DPYD: variants seen among roughly 807,000 people sequenced by gnomAD.
DPYD encodes dihydropyrimidine dehydrogenase [NADP(+)].
A neutral mutation model predicts 116.2 loss-of-function variants in DPYD; 109 were observed. The ratio of observed to expected loss-of-function variants is 0.94; its 90% CI spans 0.80 to 1.10. The LOEUF is 1.10. DPYD is among the 50% of genes least tolerant of loss of function. The pLI, the probability that DPYD is intolerant of heterozygous loss-of-function variation, is 0.00. For missense variants in DPYD, 1,302 were observed against 1,254.5 expected, an observed-to-expected ratio of 1.04 and a Z score of -0.57; for synonymous variants, 440 against 432.0, an observed-to-expected ratio of 1.02 and a Z score of -0.23.
At chr1:97,529,680 TTTC>T (rs151180777) in intron 12 of DPYD, among the ~76,000 whole-genome samples, 12,788 of 151,286 alleles carry the variant, frequency 0.085, 644 homozygotes, top group South Asian at 0.1. Context: ...CTCTTTCTCT[TTTC>T]TTTTCTTTCT....
At chr1:97,365,703 C>T (rs774216291) in intron 16 of DPYD, among the ~76,000 whole-genome samples, 29 of 152,150 alleles carry the variant, frequency 1.9e-4, no homozygotes, top group Non-Finnish European at 3.4e-4. Flanking sequence ...TCTCAGTTCA[C>T]CGCAACCTCC....
chr1:97,763,962 T>C (rs76042708), intron 3 of DPYD, among the ~76,000 whole-genome samples: 3,012 of 152,160 alleles, frequency 0.02, 97 homozygotes, highest in African/African-American at 0.068. Context: ...GCACTAACAG[T>C]TACTACATAT....
chr1:97,904,161 TA>T (rs1257396196), intron 1 of DPYD, among the ~76,000 whole-genome samples: 2 of 151,956 alleles, frequency 1.3e-5, no homozygotes, highest in East Asian at 3.9e-4. Context: ...CTGGGAGGAA[TA>T]GAACCACTAT....
At chr1:97,301,116 A>C (rs1469400233) in intron 18 of DPYD, among the ~76,000 whole-genome samples, 5 of 152,094 alleles carry the variant, frequency 3.3e-5, no homozygotes, top group African/African-American at 4.8e-5. Context: ...ACATTCATGG[A>C]ATATTCCATT....
chr1:97,879,489 T>C (rs1212254258), intron 2 of DPYD, among the ~76,000 whole-genome samples: 1 of 151,900 alleles, frequency 6.6e-6, no homozygotes, highest in Non-Finnish European at 1.5e-5. Flanking sequence ...ATTAGGATAG[T>C]TCAACATTTT....
At chr1:97,849,016 T>C (rs1033261887) in intron 2 of DPYD, among the ~76,000 whole-genome samples, 1 of 152,114 alleles carries the variant, frequency 6.6e-6, no homozygotes, top group South Asian at 2.1e-4. Flanking sequence ...AATTGAGGCA[T>C]TGGTTATGAT....
chr1:97,669,090 T>C (rs1380172416), intron 8 of DPYD, among the ~76,000 whole-genome samples: 2 of 150,876 alleles, frequency 1.3e-5, no homozygotes, highest in African/African-American at 2.4e-5. Flanking sequence ...AGTTTGTGTA[T>C]GGTGGGGGTG....
At chr1:97,253,457 T>C (rs1663243342) in intron 18 of DPYD, among the ~76,000 whole-genome samples, 1 of 152,122 alleles carries the variant, frequency 6.6e-6, no homozygotes, top group Non-Finnish European at 1.5e-5. Context: ...TATGTGAGGG[T>C]ATTGTTTTAT....
intron 20 of DPYD, among the ~76,000 whole-genome samples, chr1:97,157,292 C>A (rs1056847286): frequency 2.6e-5 from 4 of 151,234 alleles, no homozygotes. Context: ...TTAAAAAAAC[C>A]CCTTCTTGGT....
chr1:97,081,499 A>T (rs1198093320), intron 22 of DPYD, among the ~76,000 whole-genome samples: 1 of 152,060 alleles, frequency 6.6e-6, no homozygotes, highest in Non-Finnish European at 1.5e-5. Context: ...TATTGTTATG[A>T]TCATTTTTTC....
intron 2 of DPYD, among the ~76,000 whole-genome samples, chr1:97,841,699 G>T (rs1323613263): frequency 1.3e-5 from 2 of 151,810 alleles, no homozygotes; most frequent in Admixed American, 1.3e-4. Flanking sequence ...TACCTAAAGG[G>T]AGTAGCAGGG....
At chr1:97,288,087 G>A (rs1011053665) in intron 18 of DPYD, among the ~76,000 whole-genome samples, 1 of 151,426 alleles carries the variant, frequency 6.6e-6, no homozygotes, top group African/African-American at 2.4e-5. Flanking sequence ...AAGAGACAAA[G>A]AAGGCCATTA....
intron 16 of DPYD, among the ~76,000 whole-genome samples, chr1:97,313,720 T>A (rs1472215903): frequency 6.6e-6 from 1 of 151,926 alleles, no homozygotes; most frequent in Admixed American, 6.6e-5. Context: ...AATCCTTCCA[T>A]CTCACTTCAG....
At position 97,269,639 on chromosome 1, in the gene DPYD, C is replaced by T. The variant is rs375850779; in HGVS notation, c.2300-34645G>A. ...TGGCTGATTCAGTTCCTGGTGAGGG[C>T]TCTCTTCCTAGCTTGGAGATGGCTG... On this transcript the variant is annotated intron_variant, in intron 18 of 22. Transcript: ENST00000370192. Among the ~76,000 whole-genome samples the T allele has an allele frequency of 1.8e-4, 27 of 152,242 alleles. 1 individual carries two copies. The East Asian group carries it at 2.7e-3, about 15-fold the overall frequency.
intron 11 of DPYD, among the ~76,000 whole-genome samples, chr1:97,561,734 T>C (rs1256853112): frequency 6.6e-6 from 1 of 152,192 alleles, no homozygotes; most frequent in Non-Finnish European, 1.5e-5. Flanking sequence ...TACTCTATTA[T>C]TTCGCATATA....
At chr1:97,437,211 C>A (rs1055066727) in intron 14 of DPYD, among the ~76,000 whole-genome samples, 2 of 151,608 alleles carry the variant, frequency 1.3e-5, no homozygotes, top group Non-Finnish European at 3.0e-5. Flanking sequence ...GTCCATAAGA[C>A]AACCATTGAT....
intron 18 of DPYD, among the ~76,000 whole-genome samples, chr1:97,243,897 T>C (rs1026210602): frequency 2.6e-5 from 4 of 151,896 alleles, no homozygotes; most frequent in Admixed American, 2.6e-4. Context: ...AAAATCATAC[T>C]AGCTATAACT....
chr1:97,677,132 G>A (rs183692706), intron 8 of DPYD, among the ~76,000 whole-genome samples: 13 of 152,156 alleles, frequency 8.5e-5, no homozygotes, highest in Non-Finnish European at 1.8e-4. Flanking sequence ...AAGGTGTTTC[G>A]TGGTTATAAC....
At chr1:97,509,560 G>T (rs1383963463) in intron 13 of DPYD, among the ~76,000 whole-genome samples, 1 of 151,880 alleles carries the variant, frequency 6.6e-6, no homozygotes, top group African/African-American at 2.4e-5. Context: ...ACCCAAGTGT[G>T]ATAAGGTACT....
Sources: gnomAD v4.1 joint callset for allele counts (sites outside exome capture counted in the v4.1 genomes callset) on GRCh38, gnomAD v4.1.1 for gene constraint, MANE v1.5 for transcripts, NCBI Gene and HGNC (gene_info 2026-07-23, HGNC 2026-07-21) for gene names.